ANXA6: variants seen among roughly 807,000 people sequenced by gnomAD.
ANXA6 encodes the protein 67 kDa calelectrin.
ANXA6 carries 71 observed loss-of-function variants against 95.4 expected under a neutral mutation model. The ratio of observed to expected loss-of-function variants is 0.74; its 90% CI spans 0.61 to 0.91. The LOEUF (loss-of-function observed/expected upper bound fraction) is 0.91. Ranked by LOEUF, ANXA6 falls within the 40% of genes least tolerant of loss-of-function variation. The pLI is 0.00. For synonymous variants in ANXA6, 289 were observed against 315.9 expected (o/e 0.91, Z 0.90); for missense variants, 830 against 876.4 (o/e 0.95, Z 0.67).
At position 151,131,659 on chromosome 5, in the gene ANXA6, T is replaced by C. The variant is rs577293922; in HGVS notation, c.737-370A>G. Reference sequence around the variant, plus strand: ...CAGAAAGGTACTGGCAGCTGAATCATTGTGAATCCCACTGAATCACCGTGA... The same window carrying C: ...CAGAAAGGTACTGGCAGCTGAATCACTGTGAATCCCACTGAATCACCGTGA... On this transcript the variant is annotated intron_variant, in intron 10 of 25. Coordinates refer to ENST00000354546, the MANE Select transcript of ANXA6 (RefSeq NM_001155.5). Among the ~76,000 whole-genome samples the C allele has an allele frequency of 5.9e-5, 9 of 152,282 alleles. No homozygotes were observed. In the South Asian group the frequency reaches 1.2e-3, roughly 21 times the overall value.
chr5:151,109,170 A>T (rs1764780912), intron 22 of ANXA6, among the ~76,000 whole-genome samples: 1 of 152,142 alleles, frequency 6.6e-6, no homozygotes. Flanking sequence ...GCCCAAGTCC[A>T]TTCTTTTAGC....
chr5:151,155,469 T>C (rs541786315), intron 1 of ANXA6: 71 of 152,222 alleles, frequency 4.7e-4, no homozygotes, highest in African/African-American at 1.6e-3. Context: ...CCAGTCTCTG[T>C]GGGGGCTTCT....
intron 3 of ANXA6, 61 bp from the exon 4 acceptor site, chr5:151,139,508 C>T (rs1476943457): frequency 2.1e-5 from 25 of 1,187,586 alleles, no homozygotes; most frequent in Admixed American, 5.5e-5. Context: ...CCCACCAGGG[C>T]CACTTCCTTC....
chr5:151,140,097 G>A (rs983680404), intron 3 of ANXA6, 56 bp downstream of exon 3: 128 of 1,534,916 alleles, frequency 8.3e-5, no homozygotes, highest in Non-Finnish European at 1.1e-4. Context: ...AAGGGCTCTG[G>A]GCTGTGTCTA....
rs1268521682 is a variant in ANXA6, at chr5:151,140,258, G to A, written c.19-15C>T. The stretch of plus-strand genomic sequence containing the variant: ...TACTTGGCACCCTGTGGAGAAAAAA[G>A]TAGAGGGTGAGCTGCCAACCCCGGA... On this transcript the variant is annotated splice_polypyrimidine_tract_variant and intron_variant, in intron 2 of 25. Transcript: ENST00000354546. 4 of 1,612,644 alleles carry A rather than the reference G, an allele frequency of 2.5e-6. No individual in the cohort carries two copies. The African/African-American group carries it at 5.3e-5, about 22-fold the overall frequency.
chr5:151,154,020 C>T (rs62379699), intron 1 of ANXA6, among the ~76,000 whole-genome samples: 14,036 of 152,064 alleles, frequency 0.092, 819 homozygotes, highest in South Asian at 0.16. Context: ...TCTTTAGTGA[C>T]CTCAGCAAAT....
chr5:151,107,495 C>T (rs1764727913), intron 23 of ANXA6, among the ~76,000 whole-genome samples: 1 of 152,228 alleles, frequency 6.6e-6, no homozygotes, highest in East Asian at 1.9e-4. Flanking sequence ...CTAAACAACA[C>T]CCCTACCACC....
At chr5:151,117,715 C>A in intron 19 of ANXA6, 43 bp downstream of exon 19, 2 of 1,552,488 alleles carry the variant, frequency 1.3e-6, no homozygotes, top group South Asian at 1.1e-5. Context: ...CCTCCCAGGC[C>A]TCCCGATGGG....
intron 10 of ANXA6, among the ~76,000 whole-genome samples, chr5:151,132,181 C>A (rs1351514037): frequency 1.3e-5 from 2 of 152,148 alleles, no homozygotes; most frequent in African/African-American, 2.4e-5. Context: ...AGATGCTCAA[C>A]AAAAGTCAAC....
rs530968717 is a variant in ANXA6 at position 151,152,688 on chromosome 5, C to A, written c.-25-4762G>T. On this transcript the variant is annotated intron_variant, in intron 1 of 25. Transcript: ENST00000354546. ...ATCACCACTTTCCAAATGTTTTAAT[C>A]TTGCCCTTTTATGTCCCATTTTTAT... Among the ~76,000 whole-genome samples the A allele has an allele frequency of 2.4e-4, 37 of 152,240 alleles. No homozygotes were observed. The East Asian group carries it at 3.7e-3, about 15-fold the overall frequency.
At chr5:151,129,974 T>C (rs1316466173) in intron 11 of ANXA6, among the ~76,000 whole-genome samples, 3 of 152,158 alleles carry the variant, frequency 2.0e-5, no homozygotes, top group African/African-American at 7.2e-5. Context: ...AATGCTACGA[T>C]TACACACATG....
intron 2 of ANXA6, among the ~76,000 whole-genome samples, chr5:151,142,323 C>T (rs1469223489): frequency 6.6e-6 from 1 of 152,098 alleles, no homozygotes; most frequent in Non-Finnish European, 1.5e-5. Flanking sequence ...GCTAAAAATA[C>T]AAAAATTAGC....
chr5:151,106,590 T>C (rs570479633), intron 23 of ANXA6, among the ~76,000 whole-genome samples: 1 of 152,328 alleles, frequency 6.6e-6, no homozygotes, highest in African/African-American at 2.4e-5. Flanking sequence ...TGCAAATTCC[T>C]GTGTCTCTCT....
chr5:151,114,475 A>G (rs147583503), intron 20 of ANXA6, among the ~76,000 whole-genome samples: 1 of 151,900 alleles, frequency 6.6e-6, no homozygotes, highest in African/African-American at 2.4e-5. Flanking sequence ...TTAGCTGGGC[A>G]TGGTGTTGGG....
intron 1 of ANXA6, chr5:151,151,323 A>G (rs1582021767): frequency 6.6e-6 from 1 of 152,156 alleles, no homozygotes; most frequent in Non-Finnish European, 1.5e-5. Flanking sequence ...TTTTACATCT[A>G]GTGTTTCTGA....
At chr5:151,103,021 G>C (rs1764591083) in intron 25 of ANXA6, among the ~76,000 whole-genome samples, 1 of 152,122 alleles carries the variant, frequency 6.6e-6, no homozygotes, top group Non-Finnish European at 1.5e-5. Context: ...TTTTGAGATG[G>C]AGTCTTGCTC....
chr5:151,146,525 A>C lies in ANXA6; in HGVS notation c.18+1359T>G, dbSNP rs1259964400. Among the ~76,000 whole-genome samples, 16 of 152,180 alleles carry C rather than the reference A, an allele frequency of 1.1e-4. 1 individual carries two copies. The highest frequency in any genetic ancestry group is 1.0e-3 in the Admixed American group (16 of 15,274). The stretch of plus-strand genomic sequence containing the variant: ...GTTCACTGGGGGCAGTCATGATGTC[A>C]AGGATGGATGGAGTTTTATTATTAC... On this transcript the variant is annotated intron_variant, in intron 2 of 25. Transcript: ENST00000354546.
intron 18 of ANXA6, 34 bp downstream of exon 18, chr5:151,119,266 T>A (rs1161357960): frequency 1.3e-6 from 2 of 1,576,686 alleles, no homozygotes; most frequent in African/African-American, 2.7e-5. Context: ...CTGGCTGTTC[T>A]CCCAGCATCT....
chr5:151,128,296 A>C (rs1023627802), intron 12 of ANXA6, 57 bp from the exon 13 acceptor site: 11 of 1,451,752 alleles, frequency 7.6e-6, no homozygotes, highest in Middle Eastern at 1.7e-4. Flanking sequence ...CTCTCAGACA[A>C]GGAGGTGAAG....
Sources: allele counts gnomAD v4.1 joint callset (sites outside exome capture counted in the v4.1 genomes callset), GRCh38; gene constraint gnomAD v4.1.1; transcripts MANE v1.5; gene names NCBI Gene and HGNC (gene_info 2026-07-23, HGNC 2026-07-21).